The following ABCC11 variants were observed in gnomAD, a reference collection of about 807,000 sequenced individuals.
The protein encoded by ABCC11 is ATP-binding cassette sub-family C member 11.
In ABCC11, 135 loss-of-function variants were observed where a neutral mutation model predicts 149.3. That is an observed-to-expected ratio of 0.90 (90% CI 0.79 to 1.04). ABCC11 has a LOEUF of 1.04. Ranked by LOEUF, ABCC11 falls within the 50% of genes least tolerant of loss-of-function variation. ABCC11 has a pLI of 0.00. For missense variants in ABCC11, 1,680 were observed against 1,722.1 expected, an observed-to-expected ratio of 0.98 and a Z score of 0.43; for synonymous variants, 665 against 671.4, an observed-to-expected ratio of 0.99 and a Z score of 0.15.
chr16:48,183,587 C>A (rs1262814267), intron 23 of ABCC11, among the ~76,000 whole-genome samples: 4 of 152,202 alleles, frequency 2.6e-5, no homozygotes, highest in African/African-American at 9.6e-5. Flanking sequence ...CATGGCAAAA[C>A]CCCGTGTCTA....
chr16:48,175,278 C>T lies in ABCC11; in HGVS notation c.3678G>A (p.Val1226=), dbSNP rs751442363. The change falls in exon 26 of 30, where the codon GTG becomes GTA. Residue 1226 remains valine, a synonymous_variant. Coordinates refer to ENST00000356608, the MANE Select transcript of ABCC11 (RefSeq NM_001370497.1). The stretch of plus-strand genomic sequence containing the variant: ...CTCACCTGATGGTTCCTGAGAGCAG[C>T]ACTGGATCTTGAGGGATCACTGAGA... ...SKLSVIPQDP[V]LLSGTIRFNL... is the part of the protein sequence containing the mutation. 1 of 1,613,644 alleles carries T rather than the reference C, an allele frequency of 6.2e-7. No homozygotes were observed. The highest frequency in any genetic ancestry group is 8.5e-7 in the Non-Finnish European group (1 of 1,179,578).
At chr16:48,228,772 T>C (rs150510240) in intron 3 of ABCC11, among the ~76,000 whole-genome samples, 2,442 of 152,286 alleles carry the variant, frequency 0.016, 231 homozygotes, top group Admixed American at 0.14. Context: ...TTAATTCTTC[T>C]GTGAAACTTT....
At position 48,198,013 on chromosome 16, in the gene ABCC11, C is replaced by G. The variant is rs752306615; in HGVS notation, c.2272G>C (p.Ala758Pro). 1.2e-6 allele frequency: 2 copies of G among 1,614,060 alleles called. No homozygotes were observed. Among genetic ancestry groups the G allele is most frequent in the African/African-American group, 2.7e-5 (2 of 74,934 alleles). ...GACTCTTCCAGGGAGGTGGCCAGAG[C>G]CTGACTTTCTACCTTTGGCTTCTCT... ...IAEKPKVESQ[A>P]LATSLEESLN... Residue 758 changes from alanine (A) to proline (P), a missense_variant, in exon 17 of 30, where the codon GCT (alanine) becomes CCT (proline). Transcript: ENST00000356608.
At chr16:48,170,834 G>T in intron 27 of ABCC11, 55 bp downstream of exon 27, 1 of 1,498,076 alleles carries the variant, frequency 6.7e-7, no homozygotes, top group Non-Finnish European at 9.3e-7. Flanking sequence ...CAAAGGGGCA[G>T]CCCCCCATGG....
intron 28 of ABCC11, among the ~76,000 whole-genome samples, chr16:48,168,312 G>T (rs1965469788): frequency 6.6e-6 from 1 of 152,194 alleles, no homozygotes; most frequent in Admixed American, 6.5e-5. Context: ...AAATAAGGAA[G>T]TGTGAAGAAA....
intron 1 of ABCC11, among the ~76,000 whole-genome samples, chr16:48,240,651 C>G (rs1970920183): frequency 6.6e-6 from 1 of 152,012 alleles, no homozygotes; most frequent in Non-Finnish European, 1.5e-5. Flanking sequence ...AACAAACCTG[C>G]ACATCTGCAC....
intron 20 of ABCC11, among the ~76,000 whole-genome samples, chr16:48,191,041 AG>A (rs776801830): frequency 2.6e-5 from 4 of 152,186 alleles, no homozygotes; most frequent in Non-Finnish European, 5.9e-5. Context: ...GGTGGGACAC[AG>A]GGTTTTGTTT....
At position 48,192,732 on chromosome 16, in the gene ABCC11, A is replaced by AG. The variant is rs1398224580; in HGVS notation, c.2509-16dup. On this transcript the variant is annotated splice_polypyrimidine_tract_variant and intron_variant, in intron 19 of 29. Coordinates refer to ENST00000356608, the MANE Select transcript of ABCC11 (RefSeq NM_001370497.1). ...CTGCTATTGGTCTTCAAGAAAGAAC[A>AG]GGGGGTCTGACTGCAGGTGTCCGGG... is the stretch of plus-strand genomic sequence containing the variant. 4 of 1,613,662 alleles carry AG rather than the reference A, an allele frequency of 2.5e-6. No homozygotes were observed. The Admixed American group carries it at 6.7e-5, about 27-fold the overall frequency.
chr16:48,171,780 A>G (rs1452597433), intron 26 of ABCC11, among the ~76,000 whole-genome samples: 2 of 152,158 alleles, frequency 1.3e-5, no homozygotes, highest in Non-Finnish European at 2.9e-5. Flanking sequence ...CCTGGCCAAC[A>G]TGGTAAAACC....
In ABCC11 at chr16:48,200,304, G is replaced by A. The variant is rs141457642; in HGVS notation, c.2054C>T (p.Thr685Met). Residue 685 changes from threonine (T) to methionine (M), a missense_variant, in exon 15 of 30, where the codon ACG (threonine) becomes ATG (methionine). Coordinates refer to ENST00000356608, the MANE Select transcript of ABCC11 (RefSeq NM_001370497.1). The part of the protein sequence containing the change: ...ECIKKTLRGK[T>M]VVLVTHQLQY... ...CAGCTGGTGGGTCACCAGGACGACC[G>A]TCTTCCCCCTGAGTGTCTTCTTAAT... 122 of 1,614,006 alleles carry A rather than the reference G, an allele frequency of 7.6e-5. No individual in the cohort carries two copies. The African/African-American group carries it at 8.5e-4, about 11-fold the overall frequency.
chr16:48,187,139 C>T, intron 21 of ABCC11, 49 bp from the exon 22 acceptor site: 1 of 1,613,656 alleles, frequency 6.2e-7, no homozygotes, highest in Non-Finnish European at 8.5e-7. Context: ...CCTCTGGGAC[C>T]ATCTAGTCTG....
intron 6 of ABCC11, among the ~76,000 whole-genome samples, chr16:48,221,023 T>C (rs1969701564): frequency 6.6e-6 from 1 of 152,140 alleles, no homozygotes; most frequent in Non-Finnish European, 1.5e-5. Context: ...AAACTGGGTC[T>C]TGAAGGATGA....
At chr16:48,202,645 A>C (rs1968090067) in intron 14 of ABCC11, among the ~76,000 whole-genome samples, 2 of 152,068 alleles carry the variant, frequency 1.3e-5, no homozygotes, top group Admixed American at 1.3e-4. Context: ...AAGAAGAATT[A>C]AGAGACTACC....
Position 48,198,766 on chromosome 16 carries a change from C to A in ABCC11, c.2083-491G>T, listed in dbSNP as rs1386809927. Among the ~76,000 whole-genome samples, 3 of 151,812 alleles carry A rather than the reference C, an allele frequency of 2.0e-5. No individual in the cohort carries two copies. In the East Asian group the frequency reaches 5.8e-4, roughly 29 times the overall value. On this transcript the variant is annotated intron_variant, in intron 15 of 29. Transcript: ENST00000356608. ...TTAAATAAAGTTATAAGGCTGGGTG[C>A]AGTGGCTCATGCTTGTAATTCCAGC... is the stretch of plus-strand genomic sequence containing the variant.
chr16:48,238,205 C>G (rs910543409), intron 1 of ABCC11, among the ~76,000 whole-genome samples: 7 of 152,176 alleles, frequency 4.6e-5, no homozygotes, highest in African/African-American at 1.7e-4. Context: ...AGACAAAGAG[C>G]TTTAGGCAGG....
chr16:48,186,885 C>A, intron 22 of ABCC11, 68 bp downstream of exon 22: 1 of 1,580,612 alleles, frequency 6.3e-7, no homozygotes, highest in Non-Finnish European at 8.6e-7. Context: ...CCCAGACGCT[C>A]CATTCTTTCC....
rs1969250514 is a variant in ABCC11 at position 48,215,288 on chromosome 16, G to A, written c.1008C>T (p.Asp336=). The A allele has an allele frequency of 6.2e-7, 1 of 1,614,172 alleles. No individual in the cohort carries two copies. Among genetic ancestry groups the A allele is most frequent in the Non-Finnish European group, 8.5e-7 (1 of 1,180,004 alleles). The change falls in exon 8 of 30, where the codon GAC becomes GAT. Residue 336 remains aspartate (D), a synonymous_variant. Coordinates refer to ENST00000356608, the MANE Select transcript of ABCC11 (RefSeq NM_001370497.1). ...KAQHHTSEVS[D]QRIRVTSEVL... is the part of the protein sequence containing the mutation. ...CTTCACTGGTCACACGGATGCGCTG[G>A]TCGCTGACCTCAGATGTGTGATGCT...
chr16:48,182,508 G>A (rs557516767), intron 23 of ABCC11, among the ~76,000 whole-genome samples: 4 of 152,094 alleles, frequency 2.6e-5, no homozygotes, highest in African/African-American at 4.8e-5. Flanking sequence ...GGCGGGGCGC[G>A]GTGGCTCACA....
chr16:48,218,730 T>A (rs1969518838), intron 6 of ABCC11, among the ~76,000 whole-genome samples: 1 of 152,162 alleles, frequency 6.6e-6, no homozygotes, highest in Non-Finnish European at 1.5e-5. Context: ...ACACAAGCTC[T>A]CTCAGTCTCC....
Sources: allele counts gnomAD v4.1 joint callset (sites outside exome capture counted in the v4.1 genomes callset), GRCh38; gene constraint gnomAD v4.1.1; transcripts MANE v1.5; gene names NCBI Gene and HGNC (gene_info 2026-07-23, HGNC 2026-07-21).